Variants in ZRANB1 observed in about 807,000 individuals in gnomAD.
The protein encoded by ZRANB1 is ubiquitin thioesterase ZRANB1.
A neutral mutation model predicts 80.5 loss-of-function variants in ZRANB1; 16 were observed. The observed-to-expected ratio is 0.20, with a 90% CI of 0.13 to 0.30. The LOEUF (loss-of-function observed/expected upper bound fraction) is 0.30. Among genes scored for constraint, ZRANB1 ranks in the 10% least tolerant of loss-of-function variants. The pLI, the probability that ZRANB1 is intolerant of heterozygous loss-of-function variation, is 1.00. For synonymous variants in ZRANB1, 291 were observed against 293.1 expected (o/e 0.99, Z 0.07); for missense variants, 576 against 862.6 (o/e 0.67, Z 4.16).
chr10:124,940,983 C>CA (rs1219070307), upstream of ZRANB1, among the ~76,000 whole-genome samples: 1 of 150,530 alleles, frequency 6.6e-6, no homozygotes, highest in African/African-American at 2.5e-5. Context: ...GACTCCATCT[C>CA]AAAAAAACAA....
Position 124,957,289 on chromosome 10 carries a change from T to G in ZRANB1, c.815-9305T>G, listed in dbSNP as rs533548763. On this transcript the variant is annotated intron_variant, in intron 1 of 8. Coordinates refer to ENST00000359653, the MANE Select transcript of ZRANB1 (RefSeq NM_017580.3). ...AGATTCAGTTTAAACATTTATCTTT[T>G]TTAGAGGAGGGAGGAATACTATATA... Among the ~76,000 whole-genome samples the G allele has an allele frequency of 5.9e-5, 9 of 152,314 alleles. No homozygotes were observed. The East Asian group carries it at 1.7e-3, about 29-fold the overall frequency.
In ZRANB1 at chr10:124,986,365, AAAGT is replaced by A. The variant is rs1390715267; in HGVS notation, c.*1375_*1378del. The A allele has an allele frequency of 2.6e-5, 4 of 152,398 alleles. No individual in the cohort carries two copies. The highest frequency in any genetic ancestry group is 9.7e-5 in the African/African-American group (4 of 41,344). 9.4% of individuals were successfully genotyped at this position (152,398 alleles called of 1,614,324 possible). A position where few individuals can be genotyped will look rare whatever the true frequency, so the allele number is the denominator to read the frequency against. The stretch of plus-strand genomic sequence containing the variant: ...TGATGAAAAAGGCTGTGAAAACCTT[AAAGT>A]ATTTGCTTGCTTCTTGTTTTGTTTA... On this transcript the variant is annotated 3_prime_UTR_variant, in exon 9 of 9. Transcript: ENST00000359653.
chr10:124,940,458 C>T (rs368666741), upstream of ZRANB1: 235 of 1,262,020 alleles, frequency 1.9e-4, no homozygotes, highest in East Asian at 5.6e-3. Context: ...AGCATGAAGA[C>T]GGAATCTTGT....
the ZRANB1 span, among the ~76,000 whole-genome samples, chr10:124,929,747 A>C: frequency 6.6e-6 from 1 of 151,554 alleles, no homozygotes; most frequent in African/African-American, 2.4e-5. Context: ...GGAGTTCGAG[A>C]CCAGCCTGGC....
chr10:124,983,176 C>G lies in ZRANB1; in HGVS notation c.1550C>G (p.Pro517Arg). ...WAFILSLASQ[P>R]GASLEQTHIF... ...AAGTTTTTGTTTTGTTTCGTACAGCCTGGAGCAAGCTTGGAGCAGACGCAC... is the reference window on the plus strand; with the variant it reads ...AAGTTTTTGTTTTGTTTCGTACAGCGTGGAGCAAGCTTGGAGCAGACGCAC... The change falls in exon 7 of 9, where the codon CCT becomes CGT. Residue 517 changes from proline to arginine, a missense_variant and splice_region_variant. Pro to Arg is a moderately radical substitution (Grantham distance 103). This residue lies in a region of ZRANB1 where 13 missense variants were observed against 57.6 expected (regional missense o/e 0.23). Coordinates refer to ENST00000359653, the MANE Select transcript of ZRANB1 (RefSeq NM_017580.3). This position sits in a 1 kb window ranked among gnomAD's most constrained non-coding sequence, Gnocchi z 6.2. 6.2e-7 allele frequency: 1 copy of G among 1,612,340 alleles called. No homozygotes were observed.
At chr10:124,926,617 A>G in the ZRANB1 span, among the ~76,000 whole-genome samples, 2 of 152,136 alleles carry the variant, frequency 1.3e-5, no homozygotes, top group Admixed American at 6.6e-5. Flanking sequence ...GGGCTTCTTT[A>G]CAGTAGACTT....
chr10:124,939,292 C>G (rs7906592), upstream of ZRANB1, among the ~76,000 whole-genome samples: 23,803 of 151,738 alleles, frequency 0.16, 1,920 homozygotes, highest in East Asian at 0.21. Flanking sequence ...CCTCATTCTC[C>G]CAAAGTGCTG....
At chr10:124,939,027 A>G (rs1951512271), upstream of ZRANB1, among the ~76,000 whole-genome samples, 1 of 151,990 alleles carries the variant, frequency 6.6e-6, no homozygotes, top group Non-Finnish European at 1.5e-5. Context: ...AAATAAAAAA[A>G]TTGGCTGGGC....
the ZRANB1 span, among the ~76,000 whole-genome samples, chr10:124,924,618 G>C: frequency 1.3e-5 from 2 of 151,928 alleles, no homozygotes; most frequent in Non-Finnish European, 2.9e-5. Context: ...ATACTTCCAA[G>C]GTTTATGTTG....
Position 124,942,422 on chromosome 10 carries a change from A to G in ZRANB1, c.-72A>G. On this transcript the variant is annotated 5_prime_UTR_variant, in exon 1 of 9. It removes the in-frame stop codon of an upstream open reading frame in the 5' UTR. Coordinates refer to ENST00000359653, the MANE Select transcript of ZRANB1 (RefSeq NM_017580.3). ...CAGCGTATTTTTGGAGGTGGAATGTAGTTATTTTAATAACCATGTCCTAAT... is the reference window on the plus strand; with the variant it reads ...CAGCGTATTTTTGGAGGTGGAATGTGGTTATTTTAATAACCATGTCCTAAT... 3 of 1,584,572 alleles carry G rather than the reference A, an allele frequency of 1.9e-6. No individual in the cohort carries two copies. Among genetic ancestry groups the G allele is most frequent in the Non-Finnish European group, 2.6e-6 (3 of 1,163,096 alleles).
chr10:124,973,241 C>T (rs1009628694), intron 3 of ZRANB1, among the ~76,000 whole-genome samples: 11 of 152,174 alleles, frequency 7.2e-5, no homozygotes, highest in Non-Finnish European at 1.5e-5. Flanking sequence ...CAGCCTTGGC[C>T]TCCCCAGGCT....
In ZRANB1 at chr10:124,942,856, GTCCTC is replaced by G. The variant is rs774867201; in HGVS notation, c.364_368del (p.Ser122ArgfsTer12). 6.2e-7 allele frequency: 1 copy of G among 1,614,182 alleles called. No homozygotes were observed. Among genetic ancestry groups the G allele is most frequent in the South Asian group, 1.1e-5 (1 of 91,088 alleles). On this transcript the variant is annotated frameshift_variant, in exon 1 of 9. Transcript: ENST00000359653. LOFTEE classifies it high-confidence loss of function. Reference sequence around the variant, plus strand: ...CCAGGAGTCCTACAGAATCTCCTCAGTCCTCAGGATCTGGCTCAAGACCAGTTGCT... The same window carrying G: ...CCAGGAGTCCTACAGAATCTCCTCAGAGGATCTGGCTCAAGACCAGTTGCT...
the ZRANB1 span, among the ~76,000 whole-genome samples, chr10:124,919,908 GCC>G: frequency 0.15 from 8,706 of 57,060 alleles, 343 homozygotes; most frequent in East Asian, 0.26. Context: ...ACCGCGCCCG[GCC>G]CCCCCCCCCC....
At chr10:124,946,410 C>A (rs1327887150) in intron 1 of ZRANB1, 2 of 149,198 alleles carry the variant, frequency 1.3e-5, no homozygotes, top group African/African-American at 5.0e-5. Flanking sequence ...AAGAGCAAAA[C>A]CCTGTCTCAA....
the ZRANB1 span, among the ~76,000 whole-genome samples, chr10:124,925,837 C>T: frequency 0.03 from 4,573 of 152,218 alleles, 220 homozygotes; most frequent in African/African-American, 0.1. Flanking sequence ...CACAGTCACG[C>T]GTTGCTTAAA....
At chr10:124,964,464 T>G (rs956003422) in intron 1 of ZRANB1, among the ~76,000 whole-genome samples, 1 of 152,178 alleles carries the variant, frequency 6.6e-6, no homozygotes, top group African/African-American at 2.4e-5. Context: ...GATTTGAAGA[T>G]CTCCCCTTCT....
chr10:124,969,778 G>C (rs1269823619), intron 2 of ZRANB1, among the ~76,000 whole-genome samples: 3 of 152,170 alleles, frequency 2.0e-5, no homozygotes, highest in Non-Finnish European at 4.4e-5. Context: ...TCCCATTAAA[G>C]TACATGGACC....
rs1303255026 is a variant in ZRANB1, at chr10:124,983,474, T to C, written c.1694T>C (p.Leu565Ser). ...CTCTTTCCAGGTGTTTATCTGCCTTTGTTGTGGGAACAGAGTTTTTGTTGG... is the reference window on the plus strand; with the variant it reads ...CTCTTTCCAGGTGTTTATCTGCCTTCGTTGTGGGAACAGAGTTTTTGTTGG... ...YTRFQGVYLP[L>S]LWEQSFCWKS... The change falls in exon 8 of 9, where the codon TTG becomes TCG. Residue 565 changes from leucine (L) to serine (S), a missense_variant. Physicochemically the swap from Leu to Ser is moderately radical, Grantham distance 145 (BLOSUM62 -2). Transcript: ENST00000359653. This position sits in a 1 kb window ranked among gnomAD's most constrained non-coding sequence, Gnocchi z 6.2. 2 of 1,611,318 alleles carry C rather than the reference T, an allele frequency of 1.2e-6. No individual in the cohort carries two copies. The highest frequency in any genetic ancestry group is 2.2e-5 in the South Asian group (2 of 91,006).
At chr10:124,936,801 C>A in the ZRANB1 span, among the ~76,000 whole-genome samples, 1 of 152,038 alleles carries the variant, frequency 6.6e-6, no homozygotes, top group East Asian at 1.9e-4. Flanking sequence ...CTTGGAAAAT[C>A]CGTTTTAGTT....
Sources: gnomAD v4.1 joint callset for allele counts (sites outside exome capture counted in the v4.1 genomes callset) on GRCh38, gnomAD v4.1.1 for gene constraint, gnomAD v4.1.1 regional missense constraint, Gnocchi (gnomAD v3.1) non-coding constraint, MANE v1.5 for transcripts, NCBI Gene and HGNC (gene_info 2026-07-23, HGNC 2026-07-21) for gene names.